SLC7A14: variants seen among roughly 807,000 people sequenced by gnomAD.
SLC7A14 encodes the protein solute carrier family 7 member 14.
Under a neutral mutation model 60.2 loss-of-function variants are expected in SLC7A14, and 37 were observed. The ratio of observed to expected loss-of-function variants is 0.61; its 90% CI spans 0.47 to 0.81. The LOEUF (loss-of-function observed/expected upper bound fraction) is 0.81, where lower values mean the gene tolerates loss of function less well. Ranked by LOEUF, SLC7A14 falls within the 30% of genes least tolerant of loss-of-function variation. The pLI, the probability that SLC7A14 is intolerant of heterozygous loss-of-function variation, is 0.00. For missense variants in SLC7A14, 886 were observed against 982.7 expected (o/e 0.90, Z 1.32); for synonymous variants, 399 against 395.8 (o/e 1.01, Z -0.10).
intron 1 of SLC7A14, among the ~76,000 whole-genome samples, chr3:170,573,726 T>G (rs1319422662): frequency 1.3e-5 from 2 of 152,204 alleles, no homozygotes; most frequent in African/African-American, 4.8e-5. Context: ...AGGACACAAC[T>G]ATTCTGGTAA....
intron 1 of SLC7A14, among the ~76,000 whole-genome samples, chr3:170,533,681 T>TGTG (rs1713748589): frequency 7.9e-6 from 1 of 126,562 alleles, no homozygotes; most frequent in East Asian, 2.3e-4. Flanking sequence ...GTGTGTGTGG[T>TGTG]GTGTGTGTGT....
At chr3:170,485,283 C>T (rs993771617) in intron 5 of SLC7A14, among the ~76,000 whole-genome samples, 11 of 152,150 alleles carry the variant, frequency 7.2e-5, no homozygotes, top group Admixed American at 2.0e-4. Flanking sequence ...CTAGAACAAT[C>T]CTGTTTGCAG....
intron 2 of SLC7A14, among the ~76,000 whole-genome samples, chr3:170,506,468 G>A (rs1008449803): frequency 2.0e-5 from 3 of 152,254 alleles, no homozygotes; most frequent in Middle Eastern, 3.4e-3. Context: ...GGAGATTCTC[G>A]ATTTGCAATA....
chr3:170,519,779 A>T (rs1713288644), intron 2 of SLC7A14, among the ~76,000 whole-genome samples: 2 of 152,198 alleles, frequency 1.3e-5, no homozygotes, highest in African/African-American at 4.8e-5. Flanking sequence ...CTATCTCAAA[A>T]ATGAAACAAA....
At position 170,510,046 on chromosome 3, in the gene SLC7A14, C is replaced by T. The variant is rs146247575; in HGVS notation, c.305-8701G>A. Reference sequence around the variant, plus strand: ...TGAGCCAAGATCGCGCCACTGCTCTCCAGCCTGGACAAGAGCAAAACTCTG... The same window carrying T: ...TGAGCCAAGATCGCGCCACTGCTCTTCAGCCTGGACAAGAGCAAAACTCTG... On this transcript the variant is annotated intron_variant, in intron 2 of 7. Transcript: ENST00000231706. Among the ~76,000 whole-genome samples, 1,148 of 148,088 alleles carry T rather than the reference C, an allele frequency of 7.8e-3. 14 individuals are homozygous for T. The highest frequency in any genetic ancestry group is 0.027 in the African/African-American group (1,086 of 39,894).
intron 7 of SLC7A14, among the ~76,000 whole-genome samples, chr3:170,472,593 G>A (rs1363337487): frequency 2.0e-5 from 3 of 151,938 alleles, no homozygotes; most frequent in African/African-American, 7.2e-5. Context: ...GTGAAACCCC[G>A]TCTCTACTAA....
rs2108268911 is a variant in SLC7A14, at chr3:170,480,989, G to T, written c.1293C>A (p.Tyr431Ter). 1 of 1,614,064 alleles carries T rather than the reference G, an allele frequency of 6.2e-7. No homozygotes were observed. The highest frequency in any genetic ancestry group is 1.3e-5 in the African/African-American group (1 of 74,994). The change falls in exon 7 of 8, where the codon TAC becomes TAA. Residue 431 changes from tyrosine (Y) to a stop codon, truncating the protein, a stop_gained. Transcript: ENST00000231706. LOFTEE classifies it high-confidence loss of function. ...AACCATCAATGTCACTCTCAGGTTGGTATCGAAGGAGCAAGACACAGACAG... is the reference window on the plus strand; with the variant it reads ...AACCATCAATGTCACTCTCAGGTTGTTATCGAAGGAGCAAGACACAGACAG... Reference protein sequence around the residue: ...LVSVCVLLLRYQPESDIDGFV... With the variant: ...LVSVCVLLLR
At chr3:170,496,380 C>A in intron 4 of SLC7A14, 3 of 1,416,230 alleles carry the variant, frequency 2.1e-6, no homozygotes, top group South Asian at 2.3e-5. Flanking sequence ...CATCAGCCGG[C>A]TCCAGGCTGA....
At chr3:170,567,381 G>A (rs1577568399) in intron 1 of SLC7A14, among the ~76,000 whole-genome samples, 1 of 149,350 alleles carries the variant, frequency 6.7e-6, no homozygotes, top group East Asian at 2.0e-4. Context: ...GTGTATATGT[G>A]CCACATTTTC....
At chr3:170,528,147 A>G (rs1298712019) in intron 1 of SLC7A14, among the ~76,000 whole-genome samples, 1 of 152,180 alleles carries the variant, frequency 6.6e-6, no homozygotes, top group African/African-American at 2.4e-5. Flanking sequence ...ATGCCTGGGT[A>G]TTTACACACT....
chr3:170,526,717 C>A lies in SLC7A14; in HGVS notation c.220G>T (p.Val74Phe). Residue 74 changes from valine to phenylalanine, a missense_variant, in exon 2 of 8, where the codon GTC becomes TTC. By Grantham distance (50) the Val-to-Phe change is conservative. Coordinates refer to ENST00000231706, the MANE Select transcript of SLC7A14 (RefSeq NM_020949.3). ...ATTTCCTTGGCCACCAGGCCAGAGA[C>A]CACATACATGCCAGTGCCCACACAG... Reference protein sequence around the residue: ...GSCVGTGMYVVSGLVAKEMAG... With the variant: ...GSCVGTGMYVFSGLVAKEMAG... 6.2e-7 allele frequency: 1 copy of A among 1,614,252 alleles called. No individual in the cohort carries two copies. The highest frequency in any genetic ancestry group is 8.5e-7 in the Non-Finnish European group (1 of 1,180,050).
chr3:170,483,556 C>T, intron 5 of SLC7A14, 34 bp from the exon 6 acceptor site: 1 of 1,612,294 alleles, frequency 6.2e-7, no homozygotes, highest in Non-Finnish European at 8.5e-7. Flanking sequence ...GCTGGAGGTA[C>T]AGGGGAAGAA....
At chr3:170,553,519 C>A (rs572117205) in intron 1 of SLC7A14, among the ~76,000 whole-genome samples, 1 of 152,140 alleles carries the variant, frequency 6.6e-6, no homozygotes, top group Non-Finnish European at 1.5e-5. Context: ...GAAAGCCTGC[C>A]AAATAGCAAG....
chr3:170,518,040 C>G (rs918078483), intron 2 of SLC7A14, among the ~76,000 whole-genome samples: 1 of 152,198 alleles, frequency 6.6e-6, no homozygotes, highest in African/African-American at 2.4e-5. Context: ...TGGAATCCTA[C>G]AGTCATAGAT....
chr3:170,563,261 C>G (rs1324776443), intron 1 of SLC7A14, among the ~76,000 whole-genome samples: 1 of 152,084 alleles, frequency 6.6e-6, no homozygotes, highest in African/African-American at 2.4e-5. Context: ...TGATGCCTTT[C>G]TATGCACACA....
rs557901816 is a variant in SLC7A14 at position 170,506,290 on chromosome 3, A to G, written c.305-4945T>C. On this transcript the variant is annotated intron_variant, in intron 2 of 7. Transcript: ENST00000231706. ...TGACACCTTTTCAATTACCCACGAT[A>G]TAAATCTATTGTAAACAGATTCCTA... 4.6e-5 allele frequency among the ~76,000 whole-genome samples: 7 copies of G among 152,344 alleles called. No individual in the cohort carries two copies. In the South Asian group the frequency reaches 1.4e-3, roughly 32 times the overall value.
At chr3:170,477,639 C>T (rs548181032) in intron 7 of SLC7A14, among the ~76,000 whole-genome samples, 70 of 152,308 alleles carry the variant, frequency 4.6e-4, no homozygotes, top group African/African-American at 1.6e-3. Flanking sequence ...TAATATGACT[C>T]ACACTTTAAA....
intron 2 of SLC7A14, chr3:170,502,894 T>G (rs1338379368): frequency 6.6e-6 from 1 of 152,236 alleles, no homozygotes; most frequent in Non-Finnish European, 1.5e-5. Context: ...TCCCTGTAGA[T>G]TCAGCATCCT....
intron 2 of SLC7A14, among the ~76,000 whole-genome samples, chr3:170,514,477 T>A (rs1713088579): frequency 6.6e-6 from 1 of 152,246 alleles, no homozygotes; most frequent in Admixed American, 6.5e-5. Context: ...TTTGTCATGA[T>A]ACCTTGTTTA....
Sources: gnomAD v4.1 joint callset for allele counts (sites outside exome capture counted in the v4.1 genomes callset) on GRCh38, gnomAD v4.1.1 for gene constraint, MANE v1.5 for transcripts, NCBI Gene and HGNC (gene_info 2026-07-23, HGNC 2026-07-21) for gene names.